The following AK5 variants were observed in gnomAD, a reference collection of about 807,000 sequenced individuals.
AK5 encodes the protein adenylate kinase 5.
Under a neutral mutation model 69.5 loss-of-function variants are expected in AK5, and 27 were observed. That is an observed-to-expected ratio of 0.39 (90% CI 0.29 to 0.54). The LOEUF (loss-of-function observed/expected upper bound fraction) is 0.54. Ranked by LOEUF, AK5 falls within the 20% of genes least tolerant of loss-of-function variation. The pLI, the probability that AK5 is intolerant of heterozygous loss-of-function variation, is 0.71. For synonymous variants in AK5, 260 were observed against 244.4 expected, an observed-to-expected ratio of 1.06 and a Z score of -0.60; for missense variants, 531 against 700.4, an observed-to-expected ratio of 0.76 and a Z score of 2.73.
At position 77,558,573 on chromosome 1, in the gene AK5, T is replaced by G. The variant is rs372106878; in HGVS notation, c.1621-29T>G. 3 of 1,342,494 alleles carry G rather than the reference T, an allele frequency of 2.2e-6. No individual in the cohort carries two copies. In the African/African-American group the frequency reaches 4.3e-5, roughly 19 times the overall value. 83.2% of individuals were successfully genotyped at this position (1,342,494 alleles called of 1,614,324 possible). A position where few individuals can be genotyped will look rare whatever the true frequency, so the allele number is the denominator to read the frequency against. On this transcript the variant is annotated intron_variant, in intron 13 of 13. Coordinates refer to ENST00000354567, the MANE Select transcript of AK5 (RefSeq NM_174858.3). The stretch of plus-strand genomic sequence containing the variant: ...AACATGATTTACAGATATTTCAGAC[T>G]AACTCTCTTTTTTTCCTTTTAAATA...
At chr1:77,343,887 T>C (rs1661783295) in intron 6 of AK5, among the ~76,000 whole-genome samples, 1 of 152,220 alleles carries the variant, frequency 6.6e-6, no homozygotes, top group Non-Finnish European at 1.5e-5. Flanking sequence ...TCTGTTGCCT[T>C]TTCTCCAATA....
chr1:77,500,263 A>G (rs572885501), intron 10 of AK5, among the ~76,000 whole-genome samples: 1 of 152,308 alleles, frequency 6.6e-6, no homozygotes, highest in African/African-American at 2.4e-5. Context: ...TAAAACCAAA[A>G]AAAGAGATAC....
intron 6 of AK5, among the ~76,000 whole-genome samples, chr1:77,397,904 T>C (rs4949801): frequency 0.03 from 4,508 of 152,248 alleles, 92 homozygotes; most frequent in South Asian, 0.061. Flanking sequence ...GGTCTCTAAA[T>C]AAATAAATAA....
intron 8 of AK5, among the ~76,000 whole-genome samples, chr1:77,482,338 T>C (rs1313594768): frequency 6.6e-6 from 1 of 152,250 alleles, no homozygotes; most frequent in Non-Finnish European, 1.5e-5. Flanking sequence ...CACCATGGGC[T>C]ACTCCATAAG....
intron 6 of AK5, among the ~76,000 whole-genome samples, chr1:77,344,531 T>A (rs1245193443): frequency 6.6e-6 from 1 of 152,182 alleles, no homozygotes; most frequent in Non-Finnish European, 1.5e-5. Context: ...GAAAGCTACT[T>A]TTACTATTGC....
chr1:77,327,067 G>T (rs1005561009), intron 5 of AK5, among the ~76,000 whole-genome samples: 2 of 152,062 alleles, frequency 1.3e-5, no homozygotes, highest in African/African-American at 4.8e-5. Context: ...TTGTAAGAAG[G>T]CAGGTAGAGA....
Position 77,375,978 on chromosome 1 carries a change from GTACAAA to G in AK5, c.892-35001_892-34996del, listed in dbSNP as rs1378566896. On this transcript the variant is annotated intron_variant, in intron 6 of 13. Coordinates refer to ENST00000354567, the MANE Select transcript of AK5 (RefSeq NM_174858.3). ...GTGATGCTTAACTGAGAGAATGAAG[GTACAAA>G]TGTATTGTAAACTATCAAGACCTCG... Among the ~76,000 whole-genome samples the G allele has an allele frequency of 2.0e-5, 3 of 152,244 alleles. No individual in the cohort carries two copies. The East Asian group carries it at 5.8e-4, about 29-fold the overall frequency.
chr1:77,521,062 C>G (rs1326709809), intron 11 of AK5, among the ~76,000 whole-genome samples: 1 of 152,114 alleles, frequency 6.6e-6, no homozygotes, highest in East Asian at 1.9e-4. Flanking sequence ...TACTTTACAT[C>G]TACCTAAAGT....
chr1:77,481,207 G>A (rs1382546988), intron 8 of AK5, among the ~76,000 whole-genome samples: 2 of 152,204 alleles, frequency 1.3e-5, no homozygotes, highest in African/African-American at 2.4e-5. Flanking sequence ...CCATCCTGAC[G>A]TCACTAAGGA....
chr1:77,389,857 G>GAGGCT lies in AK5; in HGVS notation c.892-21122_892-21118dup, dbSNP rs561754580. On this transcript the variant is annotated intron_variant, in intron 6 of 13. Transcript: ENST00000354567. The stretch of plus-strand genomic sequence containing the variant: ...AATGCCTGTAGTTCCAGATACTTGG[G>GAGGCT]AGGCTAAGGTGGGAGGTTCACTTGA... Among the ~76,000 whole-genome samples the GAGGCT allele has an allele frequency of 2.8e-4, 42 of 152,226 alleles. No individual in the cohort carries two copies. The South Asian group carries it at 7.9e-3, about 29-fold the overall frequency.
At chr1:77,307,083 C>T (rs185117523) in intron 5 of AK5, among the ~76,000 whole-genome samples, 1 of 151,648 alleles carries the variant, frequency 6.6e-6, no homozygotes, top group African/African-American at 2.4e-5. Context: ...ATTGTTTTTT[C>T]ATTTCAGTTT....
chr1:77,322,148 G>A (rs913786017), intron 5 of AK5, among the ~76,000 whole-genome samples: 1 of 152,132 alleles, frequency 6.6e-6, no homozygotes, highest in Non-Finnish European at 1.5e-5. Flanking sequence ...GTCCAAATAC[G>A]TGGATGGGAT....
intron 5 of AK5, among the ~76,000 whole-genome samples, chr1:77,318,469 C>A (rs1302166709): frequency 6.6e-6 from 1 of 152,086 alleles, no homozygotes; most frequent in Non-Finnish European, 1.5e-5. Flanking sequence ...ATCATAACAT[C>A]AGTAATGTCA....
At chr1:77,557,909 C>A (rs1421971014) in intron 13 of AK5, among the ~76,000 whole-genome samples, 1 of 151,778 alleles carries the variant, frequency 6.6e-6, no homozygotes, top group African/African-American at 2.4e-5. Flanking sequence ...CCCCACCGCC[C>A]TCTGTTCATC....
intron 6 of AK5, among the ~76,000 whole-genome samples, chr1:77,400,347 T>C (rs1649124319): frequency 6.6e-6 from 1 of 152,204 alleles, no homozygotes; most frequent in Non-Finnish European, 1.5e-5. Context: ...TGAGGCTCAG[T>C]TTTTGAATCT....
intron 5 of AK5, among the ~76,000 whole-genome samples, chr1:77,336,357 G>A (rs1203272386): frequency 6.6e-6 from 1 of 152,092 alleles, no homozygotes; most frequent in African/African-American, 2.4e-5. Flanking sequence ...TAGGATTACA[G>A]GCATGAGCCA....
chr1:77,523,193 C>T (rs1376227415), intron 12 of AK5, among the ~76,000 whole-genome samples: 1 of 152,142 alleles, frequency 6.6e-6, no homozygotes, highest in Non-Finnish European at 1.5e-5. Context: ...CTCATCTTCC[C>T]CTACACTTCC....
intron 8 of AK5, among the ~76,000 whole-genome samples, chr1:77,472,016 A>T (rs568081669): frequency 3.3e-5 from 5 of 152,332 alleles, no homozygotes; most frequent in African/African-American, 1.2e-4. Flanking sequence ...AGTGCCTTTT[A>T]AATGTAAGCC....
intron 5 of AK5, among the ~76,000 whole-genome samples, chr1:77,298,953 A>C (rs1659179541): frequency 6.6e-6 from 1 of 152,196 alleles, no homozygotes; most frequent in Non-Finnish European, 1.5e-5. Context: ...TTTCCTGAGA[A>C]ATAGGAGTAC....
Sources: gnomAD v4.1 joint callset for allele counts (sites outside exome capture counted in the v4.1 genomes callset) on GRCh38, gnomAD v4.1.1 for gene constraint, MANE v1.5 for transcripts, NCBI Gene and HGNC (gene_info 2026-07-23, HGNC 2026-07-21) for gene names.